WHRN: variants seen among roughly 807,000 people sequenced by gnomAD.
WHRN encodes whirlin.
Under a neutral mutation model 68.3 loss-of-function variants are expected in WHRN, and 41 were observed. The ratio of observed to expected loss-of-function variants is 0.60; its 90% CI spans 0.47 to 0.78. The LOEUF is 0.78. WHRN is among the 30% of genes least tolerant of loss of function. WHRN has a pLI of 0.00. For missense variants in WHRN, 1,243 were observed against 1,244.7 expected, an observed-to-expected ratio of 1.00 and a Z score of 0.02; for synonymous variants, 560 against 561.3, an observed-to-expected ratio of 1.00 and a Z score of 0.03.
intron 10 of WHRN, 151 bp from the exon 11 acceptor site, chr9:114,403,490 G>GAA: frequency 9.5e-7 from 1 of 1,056,924 alleles, no homozygotes; most frequent in Non-Finnish European, 1.4e-6. Flanking sequence ...ACTAAGCCAA[G>GAA]CACTTGTGTT....
intron 7 of WHRN, among the ~76,000 whole-genome samples, chr9:114,409,698 C>T (rs771481819): frequency 1.5e-4 from 22 of 151,714 alleles, no homozygotes; most frequent in Non-Finnish European, 2.1e-4. Context: ...TCTCTGTCTG[C>T]GACTCTTCTG....
At chr9:114,423,596 C>T (rs1318241060) in intron 6 of WHRN, 73 bp from the exon 7 acceptor site, 11 of 1,446,898 alleles carry the variant, frequency 7.6e-6, no homozygotes, top group Non-Finnish European at 1.0e-5. Flanking sequence ...CTGCTACCCC[C>T]AAAGGACTGG....
intron 2 of WHRN, among the ~76,000 whole-genome samples, chr9:114,469,274 A>G (rs1840988521): frequency 6.6e-6 from 1 of 152,208 alleles, no homozygotes. Context: ...TGGGACCACC[A>G]TGTGGACGTG....
intron 2 of WHRN, among the ~76,000 whole-genome samples, chr9:114,477,487 T>C (rs1009795303): frequency 2.0e-5 from 3 of 152,134 alleles, no homozygotes; most frequent in Admixed American, 6.5e-5. Flanking sequence ...GAGGGCTCCA[T>C]AGGGGACATC....
chr9:114,502,950 C>A (rs1844057373), intron 1 of WHRN, among the ~76,000 whole-genome samples: 1 of 152,200 alleles, frequency 6.6e-6, no homozygotes, highest in African/African-American at 2.4e-5. Flanking sequence ...TTGCCCACTG[C>A]ACCCTGATGC....
At chr9:114,456,546 G>A (rs1020344528) in intron 3 of WHRN, among the ~76,000 whole-genome samples, 3 of 152,148 alleles carry the variant, frequency 2.0e-5, no homozygotes, top group African/African-American at 4.8e-5. Context: ...ATGGGTTAGG[G>A]GCCAGGTGTG....
chr9:114,504,658 C>A lies in WHRN; in HGVS notation c.144G>T (p.Ala48=), dbSNP rs1036228146. 6.2e-7 allele frequency: 1 copy of A among 1,604,772 alleles called. No individual in the cohort carries two copies. Among genetic ancestry groups the A allele is most frequent in the Non-Finnish European group, 8.5e-7 (1 of 1,177,210 alleles). Residue 48 remains alanine, a synonymous_variant, in exon 1 of 12, where the codon GCG becomes GCT. Coordinates refer to ENST00000362057, the MANE Select transcript of WHRN (RefSeq NM_015404.4). ...GCTCCCGCTCCGCCTCGCTCAGCAG[C>A]GCGGTCAGCGCTTGGTGCAGCTGGC... is the stretch of plus-strand genomic sequence containing the variant. ...NVRQLHQALT[A]LLSEAEREQF...
At chr9:114,469,281 C>T (rs1165133517) in intron 2 of WHRN, among the ~76,000 whole-genome samples, 1 of 152,028 alleles carries the variant, frequency 6.6e-6, no homozygotes, top group African/African-American at 2.4e-5. Flanking sequence ...ACCATGTGGA[C>T]GTGAGCCAGG....
chr9:114,472,155 C>T (rs1382416966), intron 2 of WHRN, among the ~76,000 whole-genome samples: 1 of 152,236 alleles, frequency 6.6e-6, no homozygotes, highest in Non-Finnish European at 1.5e-5. Context: ...GATGCGTGGG[C>T]TCCCAACTTC....
intron 9 of WHRN, 145 bp from the exon 10 acceptor site, chr9:114,404,222 C>A (rs1241520820): frequency 1.8e-5 from 17 of 922,750 alleles, no homozygotes; most frequent in Middle Eastern, 3.1e-4. Context: ...GATCGTGGGG[C>A]CAGAGGGCAG....
intron 7 of WHRN, among the ~76,000 whole-genome samples, chr9:114,422,576 G>A (rs1451703402): frequency 6.6e-6 from 1 of 152,234 alleles, no homozygotes; most frequent in African/African-American, 2.4e-5. Context: ...ATTCACACCT[G>A]TAATCCCAGC....
chr9:114,491,155 T>C (rs1842940636), intron 1 of WHRN, among the ~76,000 whole-genome samples: 1 of 152,204 alleles, frequency 6.6e-6, no homozygotes. Context: ...ATCCATATCG[T>C]TTTCTCATTC....
chr9:114,499,220 G>A (rs1843717621), intron 1 of WHRN, among the ~76,000 whole-genome samples: 1 of 152,170 alleles, frequency 6.6e-6, no homozygotes, highest in African/African-American at 2.4e-5. Flanking sequence ...AGAATGGAGA[G>A]AAAGTGATTC....
chr9:114,431,106 C>T (rs1837383734), intron 3 of WHRN, among the ~76,000 whole-genome samples: 1 of 152,220 alleles, frequency 6.6e-6, no homozygotes, highest in Non-Finnish European at 1.5e-5. Flanking sequence ...GTCCTAGTGT[C>T]ACCCCGTGTG....
chr9:114,494,107 G>C (rs189332436), intron 1 of WHRN, among the ~76,000 whole-genome samples: 1 of 152,242 alleles, frequency 6.6e-6, no homozygotes, highest in Non-Finnish European at 1.5e-5. Context: ...TCCCGGGGGG[G>C]TATGGTGAAG....
chr9:114,452,267 C>G (rs1839404170), intron 3 of WHRN, among the ~76,000 whole-genome samples: 1 of 152,196 alleles, frequency 6.6e-6, no homozygotes. Flanking sequence ...GGTTCCAAAT[C>G]TAAAAAGCAG....
At chr9:114,434,687 T>C (rs12339992) in intron 3 of WHRN, among the ~76,000 whole-genome samples, 65,242 of 152,058 alleles carry the variant, frequency 0.43, 15,210 homozygotes, top group African/African-American at 0.62. Context: ...TGTCCTTGTC[T>C]CTCACCTGGA....
intron 1 of WHRN, among the ~76,000 whole-genome samples, chr9:114,500,173 G>A (rs1369775083): frequency 6.6e-6 from 1 of 152,050 alleles, no homozygotes; most frequent in Non-Finnish European, 1.5e-5. Flanking sequence ...CTCAATAATG[G>A]GCTTATTAAT....
intron 3 of WHRN, among the ~76,000 whole-genome samples, chr9:114,454,908 C>A (rs1449874623): frequency 6.6e-6 from 1 of 152,134 alleles, no homozygotes; most frequent in Non-Finnish European, 1.5e-5. Context: ...TAAACCCACA[C>A]AAATATACCC....
Sources: gnomAD v4.1 joint callset for allele counts (sites outside exome capture counted in the v4.1 genomes callset) on GRCh38, gnomAD v4.1.1 for gene constraint, MANE v1.5 for transcripts, NCBI Gene and HGNC (gene_info 2026-07-23, HGNC 2026-07-21) for gene names.